TTC6: variants seen among roughly 807,000 people sequenced by gnomAD.
TTC6 encodes tetratricopeptide repeat protein 6.
In TTC6, 172 loss-of-function variants were observed where a neutral mutation model predicts 210.4. That is an observed-to-expected ratio of 0.82 (90% CI 0.72 to 0.93). The LOEUF (loss-of-function observed/expected upper bound fraction) is 0.93. TTC6 is among the 40% of genes least tolerant of loss of function. The pLI, the probability that TTC6 is intolerant of heterozygous loss-of-function variation, is 0.00. For synonymous variants in TTC6, 804 were observed against 819.6 expected, an observed-to-expected ratio of 0.98 and a Z score of 0.32; for missense variants, 2,414 against 2,318.1, an observed-to-expected ratio of 1.04 and a Z score of -0.85.
chr14:37,823,985 A>C, intron 27 of TTC6, 28 bp downstream of exon 29: 1 of 1,600,496 alleles, frequency 6.2e-7, no homozygotes, highest in East Asian at 2.2e-5. Context: ...TGAGCATTAA[A>C]AGCATGTTTT....
At chr14:37,595,639 G>A (rs973092134), upstream of TTC6, among the ~76,000 whole-genome samples, 31 of 152,242 alleles carry the variant, frequency 2.0e-4, no homozygotes, top group African/African-American at 7.2e-4. Context: ...GGAGAAGGCC[G>A]GGGGCGGTGG....
intron 29 of TTC6, chr14:37,837,414 A>G: frequency 2.2e-6 from 1 of 455,402 alleles, no homozygotes; most frequent in South Asian, 1.6e-5. Flanking sequence ...ATCCTCTTCA[A>G]ACTCTTCACA....
intron 7 of TTC6, among the ~76,000 whole-genome samples, chr14:37,725,759 G>C (rs1461398977): frequency 1.3e-5 from 2 of 152,064 alleles, no homozygotes; most frequent in Non-Finnish European, 2.9e-5. Flanking sequence ...TGTTTTATTT[G>C]ATTGAGAGTT....
chr14:37,783,937 A>G, intron 14 of TTC6, among the ~76,000 whole-genome samples: 1 of 152,244 alleles, frequency 6.6e-6, no homozygotes, highest in East Asian at 1.9e-4. Context: ...GTAGTTGAGC[A>G]GTTTTGAGTG....
At chr14:37,635,672 C>T (rs1209803842) in intron 1 of TTC6, among the ~76,000 whole-genome samples, 1 of 152,048 alleles carries the variant, frequency 6.6e-6, no homozygotes, top group Non-Finnish European at 1.5e-5. Flanking sequence ...AGGTAGACTT[C>T]AGAGCAAAGA....
At chr14:37,658,154 T>C (rs177875) in intron 1 of TTC6, among the ~76,000 whole-genome samples, 43,662 of 152,124 alleles carry the variant, frequency 0.29, 6,502 homozygotes, top group South Asian at 0.34. Context: ...TTAATGGATA[T>C]GGAAATTTAA....
At chr14:37,823,675 A>T (rs2096163328) in intron 26 of TTC6, 72 bp from the exon 29 acceptor site, 1 of 1,347,544 alleles carries the variant, frequency 7.4e-7, no homozygotes, top group African/African-American at 1.5e-5. Flanking sequence ...AGTCAGTTAT[A>T]GGAAAACATT....
chr14:37,723,547 C>T (rs1174502822), intron 6 of TTC6, among the ~76,000 whole-genome samples: 1 of 152,172 alleles, frequency 6.6e-6, no homozygotes, highest in Non-Finnish European at 1.5e-5. Flanking sequence ...TCTACTCCAG[C>T]AGTGACAAAC....
intron 27 of TTC6, among the ~76,000 whole-genome samples, chr14:37,825,377 A>G (rs1378491352): frequency 6.6e-6 from 1 of 152,144 alleles, no homozygotes; most frequent in Non-Finnish European, 1.5e-5. Context: ...TGTTCCCTTA[A>G]CAGTTGTATT....
chr14:37,708,732 G>A (rs2095839784), intron 5 of TTC6, among the ~76,000 whole-genome samples: 1 of 152,042 alleles, frequency 6.6e-6, no homozygotes, highest in Admixed American at 6.6e-5. Context: ...GACCAATTGT[G>A]AACCAATTTT....
chr14:37,676,789 C>T (rs1158805311), intron 1 of TTC6, among the ~76,000 whole-genome samples: 1 of 152,030 alleles, frequency 6.6e-6, no homozygotes, highest in Non-Finnish European at 1.5e-5. Context: ...TGTAGATATT[C>T]AGTTGCCCCA....
At position 37,602,380 on chromosome 14, in the gene TTC6, C is replaced by A. The variant is rs190173912; in HGVS notation, c.-234-4283C>A. 2.4e-4 allele frequency among the ~76,000 whole-genome samples: 36 copies of A among 152,352 alleles called. 1 individual carries two copies. Among genetic ancestry groups the A allele is most frequent in the Middle Eastern group, 6.8e-3 (2 of 294 alleles). ...CATGTGTAATGTAATGATTTCCTTA[C>A]AGGACCACCAATCTCAGAACCTGCA... is the stretch of plus-strand genomic sequence containing the variant. On this transcript the variant is annotated intron_variant, in intron 1 of 2. Coordinates refer to the TTC6 transcript ENST00000556845.
intron 4 of TTC6, 93 bp downstream of exon 6, chr14:37,696,928 A>C: frequency 7.3e-6 from 4 of 548,510 alleles, no homozygotes; most frequent in Non-Finnish European, 8.4e-6. Context: ...AGAAAACTAA[A>C]TGTTTTAGAA....
chr14:37,671,876 A>AT (rs1285907725), intron 1 of TTC6, among the ~76,000 whole-genome samples: 3 of 151,820 alleles, frequency 2.0e-5, no homozygotes, highest in Non-Finnish European at 4.4e-5. Flanking sequence ...TATCAATGGT[A>AT]TTTTTTCCTG....
chr14:37,652,769 G>A (rs529624296), intron 1 of TTC6, among the ~76,000 whole-genome samples: 1 of 152,166 alleles, frequency 6.6e-6, no homozygotes, highest in South Asian at 2.1e-4. Flanking sequence ...TTCCTATTAT[G>A]GAATATAATG....
chr14:37,660,294 G>A (rs2095734659), intron 1 of TTC6, among the ~76,000 whole-genome samples: 1 of 151,828 alleles, frequency 6.6e-6, no homozygotes, highest in Admixed American at 6.6e-5. Context: ...AGGTAAACGT[G>A]TGCCACAGTG....
chr14:37,778,784 G>C (rs1313704798), intron 14 of TTC6, among the ~76,000 whole-genome samples: 1 of 152,132 alleles, frequency 6.6e-6, no homozygotes, highest in Non-Finnish European at 1.5e-5. Flanking sequence ...ACTATGAGCA[G>C]GTGTGGCCAC....
intron 1 of TTC6, among the ~76,000 whole-genome samples, chr14:37,651,420 T>TAC (rs2095712164): frequency 4.3e-5 from 1 of 23,024 alleles, no homozygotes; most frequent in Non-Finnish European, 7.7e-5. Flanking sequence ...TATATATATA[T>TAC]ATATATTTTT....
intron 1 of TTC6, among the ~76,000 whole-genome samples, chr14:37,673,182 G>A (rs1022912267): frequency 6.6e-6 from 1 of 152,012 alleles, no homozygotes; most frequent in South Asian, 2.1e-4. Context: ...AATTTAAAGA[G>A]TCACAGGGGT....
Sources: gnomAD v4.1 joint callset for allele counts (sites outside exome capture counted in the v4.1 genomes callset) on GRCh38, gnomAD v4.1.1 for gene constraint, MANE v1.5 for transcripts, NCBI Gene and HGNC (gene_info 2026-07-23, HGNC 2026-07-21) for gene names.